The following TMEM151B variants were observed in gnomAD, a reference collection of about 807,000 sequenced individuals.
The protein encoded by TMEM151B is transmembrane protein 193.
TMEM151B carries 18 observed loss-of-function variants against 33.0 expected under a neutral mutation model. The observed-to-expected ratio is 0.55, with a 90% CI of 0.38 to 0.81. The LOEUF (loss-of-function observed/expected upper bound fraction) is 0.81. Ranked by LOEUF, TMEM151B falls within the 30% of genes least tolerant of loss-of-function variation. The probability of loss-of-function intolerance (pLI) is 0.00; values close to 1 mark genes in which losing one functional copy is unlikely to be tolerated. For synonymous variants in TMEM151B, 354 were observed against 373.6 expected (o/e 0.95, Z 0.61); for missense variants, 672 against 843.4 (o/e 0.80, Z 2.52).
rs1224263289 is a variant in TMEM151B, at chr6:44,279,043, G to A, written c.*2516G>A. On this transcript the variant is annotated 3_prime_UTR_variant, in exon 3 of 3. Coordinates refer to ENST00000451188, the MANE Select transcript of TMEM151B (RefSeq NM_001137560.2). ...CGCCTGCTTAGCGGAAGGAGTCCCTGGAGAGCAGGCACTCCTGGACTGGGG... is the reference window on the plus strand; with the variant it reads ...CGCCTGCTTAGCGGAAGGAGTCCCTAGAGAGCAGGCACTCCTGGACTGGGG... 1.3e-5 allele frequency: 2 copies of A among 152,286 alleles called. No homozygotes were observed. Among genetic ancestry groups the A allele is most frequent in the Admixed American group, 6.5e-5 (1 of 15,288 alleles). The allele number at this position is 152,286 out of a possible 1,614,324, so 9.4% of individuals were successfully genotyped here.
chr6:44,276,095 G>C lies in TMEM151B; in HGVS notation c.1269G>C (p.Ala423=). The change falls in exon 3 of 3, where the codon GCG becomes GCC. Residue 423 remains alanine (A), a synonymous_variant. Transcript: ENST00000451188. ...ACGGTGGGGTAGGCGGCCCGGGCGC[G>C]GCGGGCGTGGCTCCCTACCGGCGCA... The part of the protein sequence containing the change: ...CRYGGVGGPG[A]AGVAPYRRSC... 7.6e-7 allele frequency: 1 copy of C among 1,320,822 alleles called. No homozygotes were observed. Among genetic ancestry groups the C allele is most frequent in the Admixed American group, 4.1e-5 (1 of 24,304 alleles). The allele number at this position is 1,320,822 out of a possible 1,614,324, so 81.8% of individuals were successfully genotyped here.
At position 44,276,013 on chromosome 6, in the gene TMEM151B, C is replaced by A. The variant is rs1397087760; in HGVS notation, c.1187C>A (p.Ala396Glu). The change falls in exon 3 of 3, where the codon GCG (alanine) becomes GAG (glutamate). Residue 396 changes from alanine to glutamate, a missense_variant. Around this residue, in one of 3 missense-constraint regions of TMEM151B, gnomAD observed 324 missense variants for 363.1 expected, o/e 0.89. Transcript: ENST00000451188. ...TCTGAGGCGGTGCTCATGGACCTGGCGGGGCTCGGGACGCGCTGCGGCGGG... is the reference window on the plus strand; with the variant it reads ...TCTGAGGCGGTGCTCATGGACCTGGAGGGGCTCGGGACGCGCTGCGGCGGG... ...SYSEAVLMDL[A>E]GLGTRCGGAG... 1.5e-6 allele frequency: 2 copies of A among 1,362,120 alleles called. No homozygotes were observed. The highest frequency in any genetic ancestry group is 1.9e-6 in the Non-Finnish European group (2 of 1,058,572). The allele number at this position is 1,362,120 out of a possible 1,614,324, so 84.4% of individuals were successfully genotyped here.
rs930617480 is a variant in TMEM151B at position 44,270,905 on chromosome 6, G to T, written c.135+28G>T. ...GAGAGTCTAGGGCGCCCCTTCCCCGGGCGCGGCCGCAGCCTGGCCCCCCAT... is the reference window on the plus strand; with the variant it reads ...GAGAGTCTAGGGCGCCCCTTCCCCGTGCGCGGCCGCAGCCTGGCCCCCCAT... On this transcript the variant is annotated intron_variant, in intron 1 of 2. Transcript: ENST00000451188. The T allele has an allele frequency of 4.2e-3, 4,487 of 1,061,144 alleles. 16 individuals are homozygous for T. The highest frequency in any genetic ancestry group is 4.8e-3 in the Non-Finnish European group (4,262 of 880,840). 65.7% of individuals were successfully genotyped at this position (1,061,144 alleles called of 1,614,324 possible).
chr6:44,270,794 G>A lies in TMEM151B; in HGVS notation c.52G>A (p.Gly18Ser). The A allele has an allele frequency of 8.8e-7, 1 of 1,132,902 alleles. No homozygotes were observed. The highest frequency in any genetic ancestry group is 1.7e-5 in the African/African-American group (1 of 60,316). The allele number at this position is 1,132,902 out of a possible 1,614,324, so 70.2% of individuals were successfully genotyped here. The change falls in exon 1 of 3, where the codon GGC becomes AGC. Residue 18 changes from glycine to serine, a missense_variant. By Grantham distance (56) the Gly-to-Ser change is moderately conservative. Transcript: ENST00000451188. ...AGAGAGCGCCGCCGGCGGCGGCGGCGGCGGTGGCGGCCCCGGGGTCTCGGA... is the reference window on the plus strand; with the variant it reads ...AGAGAGCGCCGCCGGCGGCGGCGGCAGCGGTGGCGGCCCCGGGGTCTCGGA... ...AGESAAGGGG[G>S]GGGPGVSEEL...
chr6:44,275,684 C>A lies in TMEM151B; in HGVS notation c.858C>A (p.Ala286=), dbSNP rs1336134263. 1.9e-6 allele frequency: 3 copies of A among 1,550,898 alleles called. No individual in the cohort carries two copies. Among genetic ancestry groups the A allele is most frequent in the Non-Finnish European group, 2.6e-6 (3 of 1,146,712 alleles). ...TGGACTTCCGTGAGTTCATGGTGGC[C>A]TTCCCGGACCCGGCCCGGCCGCCCT... is the stretch of plus-strand genomic sequence containing the variant. ...KNVDFREFMV[A]FPDPARPPWY... is the part of the protein sequence containing the mutation. The change falls in exon 3 of 3, where the codon GCC becomes GCA. Residue 286 remains alanine, a synonymous_variant. Transcript: ENST00000451188.
At chr6:44,272,988 C>T (rs979605860) in intron 1 of TMEM151B, 78 bp from the exon 2 acceptor site, 37 of 1,245,188 alleles carry the variant, frequency 3.0e-5, no homozygotes, top group Non-Finnish European at 3.6e-5. Context: ...CCTCCATCCC[C>T]GTATCCATCT....
Position 44,278,277 on chromosome 6 carries a change from G to A in TMEM151B, c.*1750G>A, listed in dbSNP as rs191760775. The A allele has an allele frequency of 9.7e-5, 15 of 155,122 alleles. No individual in the cohort carries two copies. Among genetic ancestry groups the A allele is most frequent in the Middle Eastern group, 5.2e-4 (1 of 1,924 alleles). 9.6% of individuals were successfully genotyped at this position (155,122 alleles called of 1,614,324 possible). On this transcript the variant is annotated 3_prime_UTR_variant, in exon 3 of 3. Transcript: ENST00000451188. Reference sequence around the variant, plus strand: ...TTTCAGGTAGAGATGGCTGAGTGAGGAGGGAGAAGAGGCTAGAGAGAGGGA... The same window carrying A: ...TTTCAGGTAGAGATGGCTGAGTGAGAAGGGAGAAGAGGCTAGAGAGAGGGA...
intron 1 of TMEM151B, 122 bp downstream of exon 1, chr6:44,270,999 G>A: frequency 4.4e-6 from 3 of 684,210 alleles, no homozygotes; most frequent in Non-Finnish European, 5.4e-6. Context: ...CGAGCCGGCC[G>A]CTGCAGCCGC....
At position 44,275,441 on chromosome 6, in the gene TMEM151B, T is replaced by G. The variant is rs1480640806; in HGVS notation, c.615T>G (p.Ala205=). 4 of 1,537,068 alleles carry G rather than the reference T, an allele frequency of 2.6e-6. No homozygotes were observed. The highest frequency in any genetic ancestry group is 3.5e-6 in the Non-Finnish European group (4 of 1,136,814). Residue 205 remains alanine, a synonymous_variant, in exon 3 of 3, where the codon GCT becomes GCG. Coordinates refer to ENST00000451188, the MANE Select transcript of TMEM151B (RefSeq NM_001137560.2). ...GCGTCAACACGCACGTGGCGGAGGC[T>G]GAGTTCGACTACGCGCGCTGCGGCG... ...HERVNTHVAE[A]EFDYARCGVR... is the part of the protein sequence containing the mutation.
chr6:44,276,666 A>G lies in TMEM151B; in HGVS notation c.*139A>G. 3 of 1,271,792 alleles carry G rather than the reference A, an allele frequency of 2.4e-6. No homozygotes were observed. Among genetic ancestry groups the G allele is most frequent in the Non-Finnish European group, 3.0e-6 (3 of 1,009,482 alleles). The allele number at this position is 1,271,792 out of a possible 1,614,324, so 78.8% of individuals were successfully genotyped here. A position where few individuals can be genotyped will look rare whatever the true frequency, so the allele number is the denominator to read the frequency against. On this transcript the variant is annotated 3_prime_UTR_variant, in exon 3 of 3. Transcript: ENST00000451188. Reference sequence around the variant, plus strand: ...GAAAGGGAGGTGAGGGCCGCAAGACAGGCCCGGATGGGGCCGAGACCCCCG... The same window carrying G: ...GAAAGGGAGGTGAGGGCCGCAAGACGGGCCCGGATGGGGCCGAGACCCCCG...
chr6:44,276,863 G>T lies in TMEM151B; in HGVS notation c.*336G>T, dbSNP rs530847073. ...AGATGACAACCGTGCCGTGGGCCCC[G>T]CGTTGGGCCTTGTCTGAAGGGAGAG... On this transcript the variant is annotated 3_prime_UTR_variant, in exon 3 of 3. Coordinates refer to ENST00000451188, the MANE Select transcript of TMEM151B (RefSeq NM_001137560.2). 22 of 253,216 alleles carry T rather than the reference G, an allele frequency of 8.7e-5. No homozygotes were observed. The highest frequency in any genetic ancestry group is 1.4e-4 in the Non-Finnish European group (19 of 137,444). 15.7% of individuals were successfully genotyped at this position (253,216 alleles called of 1,614,324 possible). A position where few individuals can be genotyped will look rare whatever the true frequency, so the allele number is the denominator to read the frequency against.
chr6:44,273,549 T>A lies in TMEM151B; in HGVS notation c.576+43T>A, dbSNP rs1401407882. ...AGTGCAGGACATTCAACATGGGAGG[T>A]GGCACTTACGTGCTGCCTCACTCCC... On this transcript the variant is annotated intron_variant, in intron 2 of 2. Coordinates refer to ENST00000451188, the MANE Select transcript of TMEM151B (RefSeq NM_001137560.2). The A allele has an allele frequency of 2.0e-6, 3 of 1,499,280 alleles. No homozygotes were observed. In the Admixed American group the frequency reaches 6.2e-5, roughly 31 times the overall value. The allele number at this position is 1,499,280 out of a possible 1,614,324, so 92.9% of individuals were successfully genotyped here. A position where few individuals can be genotyped will look rare whatever the true frequency, so the allele number is the denominator to read the frequency against.
intron 1 of TMEM151B, among the ~76,000 whole-genome samples, chr6:44,271,463 CAAAG>C (rs538716637): frequency 7.8e-4 from 118 of 151,052 alleles, no homozygotes; most frequent in Non-Finnish European, 1.5e-3. Flanking sequence ...AACCTGAAGA[CAAAG>C]AGACGGAGGA....
rs150807976 is a variant in TMEM151B at position 44,277,308 on chromosome 6, C to A, written c.*781C>A. On this transcript the variant is annotated 3_prime_UTR_variant, in exon 3 of 3. Coordinates refer to ENST00000451188, the MANE Select transcript of TMEM151B (RefSeq NM_001137560.2). Reference sequence around the variant, plus strand: ...GGAGTGAAATGTGGAGGACTGTGTACCTCAGTCCTCTCTCTAAACTCCTCA... The same window carrying A: ...GGAGTGAAATGTGGAGGACTGTGTAACTCAGTCCTCTCTCTAAACTCCTCA... 3.9e-5 allele frequency: 6 copies of A among 152,376 alleles called. No homozygotes were observed. The highest frequency in any genetic ancestry group is 7.3e-5 in the Non-Finnish European group (5 of 68,090). 9.4% of individuals were successfully genotyped at this position (152,376 alleles called of 1,614,324 possible).
rs1782647080 is a variant in TMEM151B at position 44,277,672 on chromosome 6, ATTCCAAT to A, written c.*1146_*1152del. 6.6e-6 allele frequency: 1 copy of A among 152,204 alleles called. No homozygotes were observed. The highest frequency in any genetic ancestry group is 1.5e-5 in the Non-Finnish European group (1 of 68,072). The allele number at this position is 152,204 out of a possible 1,614,324, so 9.4% of individuals were successfully genotyped here. A position where few individuals can be genotyped will look rare whatever the true frequency, so the allele number is the denominator to read the frequency against. On this transcript the variant is annotated 3_prime_UTR_variant, in exon 3 of 3. Transcript: ENST00000451188. ...GTCACAAGCCCCAACTGGAGAAATAATTCCAATGGCAGGGTCAGAGGCAAGCATTCTC... is the reference window on the plus strand; with the variant it reads ...GTCACAAGCCCCAACTGGAGAAATAAGGCAGGGTCAGAGGCAAGCATTCTC...
intron 2 of TMEM151B, among the ~76,000 whole-genome samples, chr6:44,274,885 G>C (rs982711136): frequency 2.0e-5 from 3 of 152,132 alleles, no homozygotes; most frequent in African/African-American, 7.2e-5. Context: ...TTGGGAGGCC[G>C]AGGCGGGTGG....
rs1209922039 is a variant in TMEM151B, at chr6:44,278,423, G to C, written c.*1896G>C. ...GCTCCTTGGGGGCCTGGCGTTTGGA[G>C]CACCCTTCTTTCCTCTGAATGGACA... On this transcript the variant is annotated 3_prime_UTR_variant, in exon 3 of 3. Transcript: ENST00000451188. 6.6e-6 allele frequency: 1 copy of C among 152,348 alleles called. No individual in the cohort carries two copies. Among genetic ancestry groups the C allele is most frequent in the Non-Finnish European group, 1.5e-5 (1 of 68,096 alleles). 9.4% of individuals were successfully genotyped at this position (152,348 alleles called of 1,614,324 possible).
chr6:44,276,357 G>T lies in TMEM151B; in HGVS notation c.1531G>T (p.Ala511Ser). The T allele has an allele frequency of 6.6e-7, 1 of 1,506,698 alleles. No homozygotes were observed. Among genetic ancestry groups the T allele is most frequent in the Non-Finnish European group, 8.8e-7 (1 of 1,133,138 alleles). 93.3% of individuals were successfully genotyped at this position (1,506,698 alleles called of 1,614,324 possible). Residue 511 changes from alanine to serine, a missense_variant, in exon 3 of 3, where the codon GCC (alanine) becomes TCC (serine). This residue lies in a region of TMEM151B where 324 missense variants were observed against 363.1 expected (regional missense o/e 0.89). Coordinates refer to ENST00000451188, the MANE Select transcript of TMEM151B (RefSeq NM_001137560.2). ...GGAGCAGACGCGGCTGTCCAGCCAG[G>T]CCAGCATGGGGGACGACGAGGACGA... is the stretch of plus-strand genomic sequence containing the variant. The part of the protein sequence containing the change: ...PTEQTRLSSQ[A>S]SMGDDEDDDE...
rs1782579191 is a variant in TMEM151B, at chr6:44,276,146, C to G, written c.1320C>G (p.Val440=). ...RRSCEHCQRA[V]SSSSIFSRSA... ...GCTGCGAGCACTGCCAGCGCGCCGT[C>G]AGCAGCTCGTCTATCTTCTCGCGCA... The change falls in exon 3 of 3, where the codon GTC becomes GTG. Residue 440 remains valine (V), a synonymous_variant. Coordinates refer to ENST00000451188, the MANE Select transcript of TMEM151B (RefSeq NM_001137560.2). The G allele has an allele frequency of 7.6e-7, 1 of 1,315,828 alleles. No homozygotes were observed. The highest frequency in any genetic ancestry group is 3.1e-5 in the East Asian group (1 of 31,932). 81.5% of individuals were successfully genotyped at this position (1,315,828 alleles called of 1,614,324 possible).
Sources: allele counts gnomAD v4.1 joint callset (sites outside exome capture counted in the v4.1 genomes callset), GRCh38; gene constraint gnomAD v4.1.1; regional missense constraint gnomAD v4.1.1; transcripts MANE v1.5; gene names NCBI Gene and HGNC (gene_info 2026-07-23, HGNC 2026-07-21).